Variants in MTOR observed in about 807,000 individuals in gnomAD.
MTOR encodes the protein serine/threonine-protein kinase mTOR.
Under a neutral mutation model 319.8 loss-of-function variants are expected in MTOR, and 70 were observed. The ratio of observed to expected loss-of-function variants is 0.22; its 90% CI spans 0.18 to 0.27. The LOEUF (loss-of-function observed/expected upper bound fraction) is 0.27. MTOR is among the 10% of genes least tolerant of loss of function. The pLI, the probability that MTOR is intolerant of heterozygous loss-of-function variation, is 1.00. For synonymous variants in MTOR, 1,183 were observed against 1,211.4 expected (o/e 0.98, Z 0.49); for missense variants, 1,890 against 3,274.4 (o/e 0.58, Z 10.32).
chr1:11,190,739 T>C (rs947088384), intron 28 of MTOR, among the ~76,000 whole-genome samples: 1 of 152,100 alleles, frequency 6.6e-6, no homozygotes, highest in African/African-American at 2.4e-5. Context: ...AAAAATTTGG[T>C]TTTCTGAAAT....
chr1:11,261,846 G>GT (rs1391297373), intron 1 of MTOR, among the ~76,000 whole-genome samples: 1 of 152,146 alleles, frequency 6.6e-6, no homozygotes, highest in Non-Finnish European at 1.5e-5. Flanking sequence ...AAGAACCAGT[G>GT]TATCTTTATA....
chr1:11,210,987 A>G (rs1646294411), intron 23 of MTOR, 81 bp from the exon 24 acceptor site: 2 of 791,452 alleles, frequency 2.5e-6, no homozygotes, highest in Non-Finnish European at 4.3e-6. Context: ...TTATACAACT[A>G]CATTATGACC....
chr1:11,117,383 G>C (rs1263576364), intron 49 of MTOR, among the ~76,000 whole-genome samples: 1 of 152,080 alleles, frequency 6.6e-6, no homozygotes, highest in Admixed American at 6.5e-5. Context: ...CTGGTCTTGA[G>C]CTCCTAACCT....
At chr1:11,151,573 C>CA (rs1644145438) in intron 30 of MTOR, among the ~76,000 whole-genome samples, 1 of 152,228 alleles carries the variant, frequency 6.6e-6, no homozygotes, top group Admixed American at 6.5e-5. Flanking sequence ...GTTTCTGACT[C>CA]AGTAGTGCTG....
intron 19 of MTOR, among the ~76,000 whole-genome samples, chr1:11,224,236 T>C (rs1179515099): frequency 6.6e-6 from 1 of 151,800 alleles, no homozygotes; most frequent in Non-Finnish European, 1.5e-5. Flanking sequence ...CAGTTAAAAG[T>C]AAAAGAATTG....
intron 8 of MTOR, among the ~76,000 whole-genome samples, chr1:11,246,640 A>G (rs528442003): frequency 6.6e-6 from 1 of 152,166 alleles, no homozygotes; most frequent in African/African-American, 2.4e-5. Flanking sequence ...TGTGCTAGGG[A>G]ATAGGGTCTG....
At chr1:11,164,060 A>G (rs1442099472) in intron 29 of MTOR, among the ~76,000 whole-genome samples, 1 of 152,158 alleles carries the variant, frequency 6.6e-6, no homozygotes, top group East Asian at 1.9e-4. Flanking sequence ...AGAAGAAAAG[A>G]GAGGCTAGGC....
In MTOR at chr1:11,231,369, C is replaced by T. The variant is rs1647009559; in HGVS notation, c.2580G>A (p.Lys860=). 4 of 1,614,210 alleles carry T rather than the reference C, an allele frequency of 2.5e-6. No homozygotes were observed. The highest frequency in any genetic ancestry group is 3.4e-6 in the Non-Finnish European group (4 of 1,180,026). Residue 860 remains lysine, a synonymous_variant, in exon 17 of 58, where the codon AAG becomes AAA. Coordinates refer to ENST00000361445, the MANE Select transcript of MTOR (RefSeq NM_004958.4). ...STGYVVEPYR[K]YPTLLEVLLN... Reference sequence around the variant, plus strand: ...GTAGCACCTCAAGCAAAGTAGGGTACTTCCTGTAGGGCTCTACTACATAGC... The same window carrying T: ...GTAGCACCTCAAGCAAAGTAGGGTATTTCCTGTAGGGCTCTACTACATAGC...
intron 6 of MTOR, among the ~76,000 whole-genome samples, chr1:11,251,308 T>G (rs1649640293): frequency 6.6e-6 from 1 of 152,188 alleles, no homozygotes; most frequent in Non-Finnish European, 1.5e-5. Context: ...GACCACTGCC[T>G]AGAATGCTCT....
At chr1:11,218,845 CT>C (rs1251100012) in intron 19 of MTOR, among the ~76,000 whole-genome samples, 14 of 152,098 alleles carry the variant, frequency 9.2e-5, no homozygotes, top group Non-Finnish European at 2.1e-4. Context: ...ACTAGATCTC[CT>C]TCCAAACTCC....
rs571549147 is a variant in MTOR, at chr1:11,181,167, G to C, written c.4254-13650C>G. ...GCCCCTAGGGCCAGTGCAGGTTGAA[G>C]TAATCAGACATGTCATTTACACTGG... On this transcript the variant is annotated intron_variant, in intron 28 of 57. Transcript: ENST00000361445. Among the ~76,000 whole-genome samples the C allele has an allele frequency of 2.0e-5, 3 of 152,240 alleles. No individual in the cohort carries two copies. The South Asian group carries it at 6.2e-4, about 32-fold the overall frequency.
rs28730689 is a variant in MTOR at position 11,230,909 on chromosome 1, G to A, written c.2779+16C>T. 2,298 of 1,613,270 alleles carry A rather than the reference G, an allele frequency of 1.4e-3. 23 individuals are homozygous for A. In the African/African-American group the frequency reaches 0.025, roughly 17 times the overall value. Reference sequence around the variant, plus strand: ...GTGAGAACTTGGCAAGTCTTTCATGGCTACCCCCAACTTACAGGAATCCTG... The same window carrying A: ...GTGAGAACTTGGCAAGTCTTTCATGACTACCCCCAACTTACAGGAATCCTG... On this transcript the variant is annotated intron_variant, in intron 18 of 57. Coordinates refer to ENST00000361445, the MANE Select transcript of MTOR (RefSeq NM_004958.4).
intron 5 of MTOR, among the ~76,000 whole-genome samples, chr1:11,255,476 T>G (rs1025934385): frequency 6.6e-6 from 1 of 151,528 alleles, no homozygotes; most frequent in Non-Finnish European, 1.5e-5. Flanking sequence ...AAATAATGTA[T>G]AGAATAATGG....
Position 11,129,801 on chromosome 1 carries a change from G to A in MTOR, c.5651C>T (p.Ala1884Val), listed in dbSNP as rs2100424064. ...GATGGAACGGAAGAAGCCCTGGACGGCAGGCACCGTGTACATCAGGAGGGT... is the reference window on the plus strand; with the variant it reads ...GATGGAACGGAAGAAGCCCTGGACGACAGGCACCGTGTACATCAGGAGGGT... ...SKTLLMYTVPAVQGFFRSISL... is the reference protein window; with the variant it reads ...SKTLLMYTVPVVQGFFRSISL... Residue 1884 changes from alanine (A) to valine (V), a missense_variant, in exon 40 of 58, where the codon GCC becomes GTC. Physicochemically the swap from Ala to Val is moderately conservative, Grantham distance 64. Coordinates refer to ENST00000361445, the MANE Select transcript of MTOR (RefSeq NM_004958.4). The surrounding 1 kb of genome is among the most constrained non-coding windows in gnomAD (Gnocchi z 4.7). The A allele has an allele frequency of 6.2e-7, 1 of 1,614,196 alleles. No individual in the cohort carries two copies. The highest frequency in any genetic ancestry group is 8.5e-7 in the Non-Finnish European group (1 of 1,180,012).
intron 50 of MTOR, among the ~76,000 whole-genome samples, 185 bp downstream of exon 50, chr1:11,116,819 G>A (rs1448410994): frequency 2.6e-5 from 4 of 152,080 alleles, no homozygotes; most frequent in Non-Finnish European, 5.9e-5. Flanking sequence ...TTAGTTTGAT[G>A]TATTCTTCTG....
chr1:11,169,487 G>T (rs1034060969), intron 28 of MTOR, among the ~76,000 whole-genome samples: 12 of 152,212 alleles, frequency 7.9e-5, no homozygotes, highest in Non-Finnish European at 1.3e-4. Flanking sequence ...TTTGGAGTCA[G>T]AAGATGGGGT....
chr1:11,240,220 C>T, intron 11 of MTOR, 83 bp downstream of exon 11: 6 of 1,485,816 alleles, frequency 4.0e-6, no homozygotes, highest in Non-Finnish European at 5.4e-6. Context: ...CAGCAAGATC[C>T]AGGAATCCTA....
chr1:11,189,682 C>T, intron 28 of MTOR: 1 of 1,614,160 alleles, frequency 6.2e-7, no homozygotes, highest in Non-Finnish European at 8.5e-7. Flanking sequence ...GCACAAGACA[C>T]CAGCACAGCC....
chr1:11,130,681 T>A lies in MTOR; in HGVS notation c.5461A>T (p.Ser1821Cys). Residue 1821 changes from serine (S) to cysteine (C), a missense_variant, in exon 39 of 58, where the codon AGC becomes TGC. Transcript: ENST00000361445. ...RDEKKKLRHA[S>C]GANITNATTA... The stretch of plus-strand genomic sequence containing the variant: ...GTGGCGTTGGTGATGTTGGCCCCGC[T>A]GGCATGACGCAGTTTCTTCTTCTCA... 1.2e-6 allele frequency: 2 copies of A among 1,611,226 alleles called. No individual in the cohort carries two copies. The highest frequency in any genetic ancestry group is 1.7e-6 in the Non-Finnish European group (2 of 1,178,964).
Sources: gnomAD v4.1 joint callset for allele counts (sites outside exome capture counted in the v4.1 genomes callset) on GRCh38, gnomAD v4.1.1 for gene constraint, Gnocchi (gnomAD v3.1) non-coding constraint, MANE v1.5 for transcripts, NCBI Gene and HGNC (gene_info 2026-07-23, HGNC 2026-07-21) for gene names.